CSNK1G2: variants seen among roughly 807,000 people sequenced by gnomAD.
CSNK1G2 encodes the protein casein kinase I isoform gamma-2.
A neutral mutation model predicts 48.0 loss-of-function variants in CSNK1G2; 11 were observed. The ratio of observed to expected loss-of-function variants is 0.23; its 90% CI spans 0.14 to 0.38. The LOEUF is 0.38. Among genes scored for constraint, CSNK1G2 ranks in the 10% least tolerant of loss-of-function variants. The pLI is 1.00. For missense variants in CSNK1G2, 446 were observed against 595.5 expected (o/e 0.75, Z 2.61); for synonymous variants, 337 against 254.1 (o/e 1.33, Z -3.10).
At chr19:1,979,447 C>G (rs1467334713) in intron 8 of CSNK1G2, 44 bp downstream of exon 8, 2 of 714,686 alleles carry the variant, frequency 2.8e-6, no homozygotes, top group East Asian at 9.4e-5. Flanking sequence ...CCACCCCCCA[C>G]CCCCCACCCC....
chr19:1,956,692 T>A (rs1331239791), intron 1 of CSNK1G2, among the ~76,000 whole-genome samples: 1 of 152,038 alleles, frequency 6.6e-6, no homozygotes, highest in Admixed American at 6.5e-5. Flanking sequence ...AGACTGAGTG[T>A]TGGGGATGGG....
At chr19:1,971,191 C>A (rs150242482) in intron 2 of CSNK1G2, among the ~76,000 whole-genome samples, 1 of 152,202 alleles carries the variant, frequency 6.6e-6, no homozygotes, top group Non-Finnish European at 1.5e-5. Flanking sequence ...TTCTCCCAGG[C>A]GAGGGCAGCT....
At position 1,979,990 on chromosome 19, in the gene CSNK1G2, C is replaced by T. The variant is rs1599337540; in HGVS notation, c.1166C>T (p.Ala389Val). 2 of 1,585,790 alleles carry T rather than the reference C, an allele frequency of 1.3e-6. No individual in the cohort carries two copies. The highest frequency in any genetic ancestry group is 1.7e-6 in the Non-Finnish European group (2 of 1,165,110). ...TCCAACGCCCCGATCACAGCGCCTGCAGAGGTGGAGGTGGCCGATGAAACC... is the reference window on the plus strand; with the variant it reads ...TCCAACGCCCCGATCACAGCGCCTGTAGAGGTGGAGGTGGCCGATGAAACC... ...GHSNAPITAP[A>V]EVEVADETKC... The change falls in exon 11 of 12, where the codon GCA becomes GTA. Residue 389 changes from alanine (A) to valine (V), a missense_variant. Ala to Val is a moderately conservative substitution (Grantham distance 64). Coordinates refer to ENST00000255641, the MANE Select transcript of CSNK1G2 (RefSeq NM_001319.7).
In CSNK1G2 at chr19:1,979,481, C is replaced by A; in HGVS notation, c.854-14C>A. On this transcript the variant is annotated splice_polypyrimidine_tract_variant and intron_variant, in intron 8 of 11. Transcript: ENST00000255641. ...CCCACCCCCGCCGAGGCCCCGCTGG[C>A]GCTCTCTCTGCAGAGGAGATGGCCA... is the stretch of plus-strand genomic sequence containing the variant. 6.5e-7 allele frequency: 1 copy of A among 1,539,840 alleles called. No homozygotes were observed.
chr19:1,941,636 A>C, intron 1 of CSNK1G2, among the ~76,000 whole-genome samples: 1 of 130,104 alleles, frequency 7.7e-6, no homozygotes, highest in African/African-American at 3.0e-5. Flanking sequence ...CACCCCGTTG[A>C]CCCTGCACTC....
Position 1,970,227 on chromosome 19 carries a change from GGCCAC to G in CSNK1G2, c.187+272_187+276del, listed in dbSNP as rs2015519501. ...GAGGCAGGTGGCCCAGAGCAGGCCA[GGCCAC>G]GCCGCAAGGAGCCCGATGTTAAGTT... On this transcript the variant is annotated intron_variant, in intron 2 of 11. Transcript: ENST00000255641. Among the ~76,000 whole-genome samples, 3 of 152,260 alleles carry G rather than the reference GGCCAC, an allele frequency of 2.0e-5. No individual in the cohort carries two copies. The South Asian group carries it at 6.2e-4, about 31-fold the overall frequency.
chr19:1,979,474 C>G (rs778766640), intron 8 of CSNK1G2, 21 bp from the exon 9 acceptor site: 29 of 1,558,946 alleles, frequency 1.9e-5, no homozygotes, highest in Non-Finnish European at 2.2e-5. Flanking sequence ...CGCCGAGGCC[C>G]CGCTGGCGCT....
rs778610564 is a variant in CSNK1G2, at chr19:1,980,484, CAG to C, written c.*284_*285del. 9 of 491,758 alleles carry C rather than the reference CAG, an allele frequency of 1.8e-5. No individual in the cohort carries two copies. In the East Asian group the frequency reaches 3.0e-4, roughly 17 times the overall value. The allele number at this position is 491,758 out of a possible 1,614,324, so 30.5% of individuals were successfully genotyped here. On this transcript the variant is annotated 3_prime_UTR_variant, in exon 12 of 12. Transcript: ENST00000255641. ...AACAAGGAAAAGAGGAAAAAAAAAA[CAG>C]AGGCCCGCCCTACCCCACTCCTGCC...
chr19:1,943,278 C>G (rs1300582009), intron 1 of CSNK1G2, among the ~76,000 whole-genome samples: 1 of 152,130 alleles, frequency 6.6e-6, no homozygotes, highest in African/African-American at 2.4e-5. Context: ...TAGGGGCTTC[C>G]TGTCTGATTT....
intron 1 of CSNK1G2, among the ~76,000 whole-genome samples, chr19:1,956,033 C>T (rs908936504): frequency 6.6e-6 from 1 of 152,206 alleles, no homozygotes; most frequent in Middle Eastern, 3.2e-3. Context: ...CACCCCAGCT[C>T]CCGACAGCGT....
intron 1 of CSNK1G2, chr19:1,942,559 T>C (rs1327370768): frequency 6.6e-6 from 1 of 152,298 alleles, no homozygotes; most frequent in Non-Finnish European, 1.5e-5. Flanking sequence ...CTTCTTGGTG[T>C]TTCCTGGCTC....
In CSNK1G2 at chr19:1,980,081, G is replaced by A. The variant is rs2145602745; in HGVS notation, c.1193+64G>A. On this transcript the variant is annotated intron_variant, in intron 11 of 11. Coordinates refer to ENST00000255641, the MANE Select transcript of CSNK1G2 (RefSeq NM_001319.7). ...GCCCTGGGTCCCCATGGGGGTGGGAGGGCCTGAGGCCTGGGCTGCCCCCGC... is the reference window on the plus strand; with the variant it reads ...GCCCTGGGTCCCCATGGGGGTGGGAAGGCCTGAGGCCTGGGCTGCCCCCGC... The A allele has an allele frequency of 2.5e-6, 4 of 1,600,414 alleles. No individual in the cohort carries two copies. In the South Asian group the frequency reaches 3.3e-5, roughly 13 times the overall value.
intron 2 of CSNK1G2, among the ~76,000 whole-genome samples, chr19:1,970,774 C>G (rs1254292562): frequency 2.0e-5 from 3 of 152,232 alleles, no homozygotes; most frequent in Non-Finnish European, 4.4e-5. Flanking sequence ...CCCAGGTGCA[C>G]CCCCAGTCAG....
At position 1,957,584 on chromosome 19, in the gene CSNK1G2, G is replaced by T. The variant is rs2015041609; in HGVS notation, c.-265-11924G>T. On this transcript the variant is annotated intron_variant, in intron 1 of 11. Coordinates refer to ENST00000255641, the MANE Select transcript of CSNK1G2 (RefSeq NM_001319.7). This position sits in a 1 kb window ranked among gnomAD's most constrained non-coding sequence, Gnocchi z 5.4. ...CGAGCAGATGCCTTTGCCCCTGCAGGTCCCCCATGTCCCCTCGCCCGGGGC... is the reference window on the plus strand; with the variant it reads ...CGAGCAGATGCCTTTGCCCCTGCAGTTCCCCCATGTCCCCTCGCCCGGGGC... Among the ~76,000 whole-genome samples, 1 of 152,194 alleles carries T rather than the reference G, an allele frequency of 6.6e-6. No individual in the cohort carries two copies. Among genetic ancestry groups the T allele is most frequent in the Non-Finnish European group, 1.5e-5 (1 of 68,034 alleles).
rs1049043098 is a variant in CSNK1G2 at position 1,981,269 on chromosome 19, C to T, written c.*1066C>T. ...GTGTACAGAAATGGCATTTACGTTT[C>T]TCTGATGCTCCCTTGAAGCCATAGA... On this transcript the variant is annotated 3_prime_UTR_variant, in exon 12 of 12. Coordinates refer to ENST00000255641, the MANE Select transcript of CSNK1G2 (RefSeq NM_001319.7). 6.6e-6 allele frequency: 1 copy of T among 152,176 alleles called. No homozygotes were observed. Among genetic ancestry groups the T allele is most frequent in the African/African-American group, 2.4e-5 (1 of 41,426 alleles). The allele number at this position is 152,176 out of a possible 1,614,324, so 9.4% of individuals were successfully genotyped here.
intron 1 of CSNK1G2, among the ~76,000 whole-genome samples, chr19:1,947,773 G>A (rs947452175): frequency 9.2e-5 from 14 of 152,234 alleles, no homozygotes; most frequent in African/African-American, 1.7e-4. Flanking sequence ...AGGTGTGTGC[G>A]TGCTGTGCCA....
At chr19:1,956,990 G>A (rs1246314509) in intron 1 of CSNK1G2, among the ~76,000 whole-genome samples, 2 of 152,214 alleles carry the variant, frequency 1.3e-5, no homozygotes, top group African/African-American at 4.8e-5. Flanking sequence ...GAGAGAAGGA[G>A]GGAGGAGGAG....
intron 1 of CSNK1G2, among the ~76,000 whole-genome samples, chr19:1,949,478 T>C (rs1474993387): frequency 7.2e-5 from 11 of 152,242 alleles, no homozygotes. Flanking sequence ...CGTCCGAGTC[T>C]CGCTCCTGTT....
Position 1,944,219 on chromosome 19 carries a change from G to A in CSNK1G2, c.-266+2801G>A, listed in dbSNP as rs562898095. 8.5e-5 allele frequency among the ~76,000 whole-genome samples: 13 copies of A among 152,242 alleles called. No homozygotes were observed. The East Asian group carries it at 2.3e-3, about 27-fold the overall frequency. ...GCCTCCCCCATCCCGCGGATCTGCA[G>A]ATCTGCAAATGCTCCGCCGGCAGCC... On this transcript the variant is annotated intron_variant, in intron 1 of 11. Coordinates refer to ENST00000255641, the MANE Select transcript of CSNK1G2 (RefSeq NM_001319.7).
Sources: allele counts gnomAD v4.1 joint callset (sites outside exome capture counted in the v4.1 genomes callset), GRCh38; gene constraint gnomAD v4.1.1; non-coding constraint Gnocchi (gnomAD v3.1); transcripts MANE v1.5; gene names NCBI Gene and HGNC (gene_info 2026-07-23, HGNC 2026-07-21).